ATP9B: variants seen among roughly 807,000 people sequenced by gnomAD.
ATP9B encodes the protein ATPase phospholipid transporting 9B.
ATP9B carries 110 observed loss-of-function variants against 146.1 expected under a neutral mutation model. The observed-to-expected ratio is 0.75, with a 90% CI of 0.65 to 0.88. The LOEUF is 0.88. Ranked by LOEUF, ATP9B falls within the 40% of genes least tolerant of loss-of-function variation. ATP9B has a pLI of 0.00. For missense variants in ATP9B, 1,499 were observed against 1,496.4 expected (o/e 1.00, Z -0.03); for synonymous variants, 604 against 569.7 (o/e 1.06, Z -0.86).
At chr18:79,334,986 C>T (rs1007894078) in intron 17 of ATP9B, among the ~76,000 whole-genome samples, 2 of 150,282 alleles carry the variant, frequency 1.3e-5, no homozygotes, top group Non-Finnish European at 2.9e-5. Context: ...CGTGCCCTCA[C>T]GCGTCTGTTC....
At chr18:79,284,889 C>T (rs1229066808) in intron 13 of ATP9B, among the ~76,000 whole-genome samples, 7 of 151,040 alleles carry the variant, frequency 4.6e-5, no homozygotes, top group Admixed American at 1.3e-4. Flanking sequence ...TTTGTTCTTG[C>T]GATAGTTTAT....
intron 9 of ATP9B, among the ~76,000 whole-genome samples, chr18:79,206,316 A>G (rs1009144846): frequency 6.6e-6 from 1 of 152,196 alleles, no homozygotes; most frequent in Admixed American, 6.5e-5. Context: ...AACAATATTC[A>G]CAGAAGCATT....
chr18:79,140,848 T>C (rs190231812), intron 5 of ATP9B, among the ~76,000 whole-genome samples: 98 of 152,322 alleles, frequency 6.4e-4, no homozygotes, highest in African/African-American at 2.3e-3. Flanking sequence ...GAGGAGCCCA[T>C]ATAATTTGTT....
intron 14 of ATP9B, 140 bp downstream of exon 14, chr18:79,303,856 G>A (rs180677978): frequency 5.1e-5 from 28 of 551,522 alleles, no homozygotes; most frequent in Admixed American, 4.9e-4. Context: ...TCGTCTGTTC[G>A]AATATACGAA....
intron 25 of ATP9B, 117 bp downstream of exon 25, chr18:79,348,313 A>T: frequency 1.0e-6 from 1 of 998,874 alleles, no homozygotes; most frequent in Non-Finnish European, 1.5e-6. Flanking sequence ...CATCATTTAG[A>T]ATGAATAATA....
chr18:79,211,794 A>G (rs2095586448), intron 10 of ATP9B, among the ~76,000 whole-genome samples: 1 of 152,200 alleles, frequency 6.6e-6, no homozygotes, highest in Non-Finnish European at 1.5e-5. Context: ...TAATCTACCA[A>G]CATGGTCCTG....
chr18:79,256,257 C>CA (rs1262664506), intron 12 of ATP9B, among the ~76,000 whole-genome samples: 1 of 100,398 alleles, frequency 1.0e-5, no homozygotes, highest in Non-Finnish European at 1.9e-5. Context: ...TTCTAGCTAG[C>CA]TATATATATA....
intron 13 of ATP9B, among the ~76,000 whole-genome samples, chr18:79,297,279 C>T (rs2096558594): frequency 1.4e-5 from 2 of 140,254 alleles, no homozygotes; most frequent in African/African-American, 5.5e-5. Context: ...GAGAGATGAC[C>T]CAGAGAGGAG....
At chr18:79,071,905 T>C (rs2071885073) in intron 1 of ATP9B, among the ~76,000 whole-genome samples, 1 of 149,848 alleles carries the variant, frequency 6.7e-6, no homozygotes, top group Non-Finnish European at 1.5e-5. Flanking sequence ...TTTTTTTTTT[T>C]TGGTTTTCGA....
chr18:79,261,878 A>G (rs1005472930), intron 12 of ATP9B, among the ~76,000 whole-genome samples: 7 of 152,050 alleles, frequency 4.6e-5, no homozygotes, highest in Non-Finnish European at 1.0e-4. Context: ...GTGTCCTGCT[A>G]AGCTCCCACT....
chr18:79,273,066 C>T (rs527693341), intron 12 of ATP9B, among the ~76,000 whole-genome samples: 16 of 152,216 alleles, frequency 1.1e-4, no homozygotes, highest in Non-Finnish European at 2.2e-4. Flanking sequence ...GGCAGGTGGC[C>T]GTGCCAGTCG....
intron 27 of ATP9B, 122 bp downstream of exon 27, chr18:79,373,004 A>T: frequency 4.8e-6 from 3 of 623,250 alleles, no homozygotes; most frequent in South Asian, 2.2e-5. Flanking sequence ...GCAGTTAAAT[A>T]CTCCCTTCTG....
intron 11 of ATP9B, among the ~76,000 whole-genome samples, chr18:79,218,483 G>T (rs555008374): frequency 3.3e-5 from 5 of 150,314 alleles, no homozygotes; most frequent in African/African-American, 9.8e-5. Flanking sequence ...TATTTTCCTC[G>T]TGTTCCGTGT....
intron 23 of ATP9B, 58 bp from the exon 24 acceptor site, chr18:79,347,712 G>A (rs1568777783): frequency 1.4e-6 from 2 of 1,479,258 alleles, no homozygotes; most frequent in Non-Finnish European, 1.8e-6. Flanking sequence ...ACTCACTTTT[G>A]GAGTCTGATT....
chr18:79,209,099 C>T (rs1053428319), intron 10 of ATP9B, among the ~76,000 whole-genome samples: 4 of 152,200 alleles, frequency 2.6e-5, no homozygotes, highest in African/African-American at 7.2e-5. Flanking sequence ...TGGCTGCACT[C>T]GGGAGGTGTG....
rs555811926 is a variant in ATP9B, at chr18:79,306,099, C to G, written c.1525-887C>G. Among the ~76,000 whole-genome samples, 25 of 152,340 alleles carry G rather than the reference C, an allele frequency of 1.6e-4. No individual in the cohort carries two copies. The East Asian group carries it at 2.5e-3, about 15-fold the overall frequency. On this transcript the variant is annotated intron_variant, in intron 14 of 29. Coordinates refer to ENST00000426216, the MANE Select transcript of ATP9B (RefSeq NM_198531.5). ...CACCAGCTGAGCAGAAAGTTAAACCCTTCATTAGACAGCACTGTAATTTGA... is the reference window on the plus strand; with the variant it reads ...CACCAGCTGAGCAGAAAGTTAAACCGTTCATTAGACAGCACTGTAATTTGA...
intron 3 of ATP9B, 143 bp downstream of exon 3, chr18:79,110,648 CTG>C: frequency 1.4e-6 from 1 of 691,266 alleles, no homozygotes; most frequent in Non-Finnish European, 2.2e-6. Context: ...TTTGAACCAT[CTG>C]TGTTCCCAAT....
chr18:79,259,148 A>G (rs1210286059), intron 12 of ATP9B, among the ~76,000 whole-genome samples: 2 of 152,236 alleles, frequency 1.3e-5, no homozygotes, highest in African/African-American at 4.8e-5. Context: ...ACTTGATACA[A>G]TTTACCTTGT....
At chr18:79,370,220 G>A (rs747567165) in intron 26 of ATP9B, among the ~76,000 whole-genome samples, 32 of 152,218 alleles carry the variant, frequency 2.1e-4, no homozygotes, top group Non-Finnish European at 3.4e-4. Context: ...AGCATTCAGT[G>A]AATATTTACT....
Sources: gnomAD v4.1 joint callset for allele counts (sites outside exome capture counted in the v4.1 genomes callset) on GRCh38, gnomAD v4.1.1 for gene constraint, MANE v1.5 for transcripts, NCBI Gene and HGNC (gene_info 2026-07-23, HGNC 2026-07-21) for gene names.